CDH8: variants seen among roughly 807,000 people sequenced by gnomAD.
The protein encoded by CDH8 is cadherin-8.
Under a neutral mutation model 68.1 loss-of-function variants are expected in CDH8, and 17 were observed. The ratio of observed to expected loss-of-function variants is 0.25; its 90% CI spans 0.17 to 0.37. The LOEUF is 0.37. CDH8 is among the 10% of genes least tolerant of loss of function. CDH8 has a pLI of 1.00. For missense variants in CDH8, 763 were observed against 999.3 expected (o/e 0.76, Z 3.19); for synonymous variants, 372 against 365.1 (o/e 1.02, Z -0.21).
intron 9 of CDH8, among the ~76,000 whole-genome samples, chr16:61,719,769 A>G (rs2142878805): frequency 6.6e-6 from 1 of 150,974 alleles, no homozygotes; most frequent in East Asian, 2.0e-4. Context: ...CTCCCAGGGC[A>G]AGATTTTTCC....
intron 3 of CDH8, among the ~76,000 whole-genome samples, chr16:61,888,106 A>C (rs1404336547): frequency 6.6e-6 from 1 of 152,150 alleles, no homozygotes; most frequent in Non-Finnish European, 1.5e-5. Context: ...GATTCAGCAG[A>C]TCTGCAAGCT....
intron 4 of CDH8, among the ~76,000 whole-genome samples, chr16:61,835,427 G>A (rs1412749113): frequency 2.0e-4 from 30 of 151,648 alleles, no homozygotes; most frequent in East Asian, 1.9e-4. Context: ...ATTATATCAC[G>A]TCTCTATATT....
chr16:61,973,258 T>A (rs1282056557), intron 2 of CDH8, among the ~76,000 whole-genome samples: 1 of 152,236 alleles, frequency 6.6e-6, no homozygotes, highest in Non-Finnish European at 1.5e-5. Flanking sequence ...ATCATCCACT[T>A]CCACTTAATG....
chr16:61,979,752 A>G (rs536858710), intron 2 of CDH8, among the ~76,000 whole-genome samples: 10 of 152,248 alleles, frequency 6.6e-5, no homozygotes, highest in African/African-American at 1.9e-4. Flanking sequence ...ATCAAATAAG[A>G]CATGACATTC....
intron 3 of CDH8, among the ~76,000 whole-genome samples, chr16:61,877,075 CA>C (rs1281411347): frequency 6.6e-6 from 1 of 152,160 alleles, no homozygotes; most frequent in Non-Finnish European, 1.5e-5. Context: ...TGTACCAACA[CA>C]TTAGGTGTCA....
At chr16:61,654,658 G>C (rs1308495564) in intron 11 of CDH8, among the ~76,000 whole-genome samples, 1 of 152,204 alleles carries the variant, frequency 6.6e-6, no homozygotes, top group Admixed American at 6.5e-5. Flanking sequence ...AAACCTGAAT[G>C]TGAGAAAAGG....
intron 8 of CDH8, among the ~76,000 whole-genome samples, chr16:61,731,968 T>C (rs1296968392): frequency 1.3e-5 from 2 of 151,446 alleles, no homozygotes; most frequent in East Asian, 3.9e-4. Flanking sequence ...AGTAGGAAAT[T>C]ACCATAACCA....
chr16:61,735,890 T>A (rs956862883), intron 8 of CDH8, among the ~76,000 whole-genome samples: 1 of 151,790 alleles, frequency 6.6e-6, no homozygotes, highest in African/African-American at 2.4e-5. Flanking sequence ...CTGGCCAACA[T>A]AGTAAAACCC....
At chr16:62,035,644 C>G (rs1902438633) in intron 1 of CDH8, among the ~76,000 whole-genome samples, 2 of 152,146 alleles carry the variant, frequency 1.3e-5, no homozygotes, top group Non-Finnish European at 2.9e-5. Flanking sequence ...CTCCTTTTTT[C>G]CCTGGCTTGC....
intron 11 of CDH8, 111 bp from the exon 12 acceptor site, chr16:61,654,212 C>T: frequency 1.2e-6 from 1 of 843,250 alleles, no homozygotes; most frequent in Non-Finnish European, 1.9e-6. Flanking sequence ...TATGAGCATA[C>T]ACCTTTAATA....
chr16:61,939,367 C>G (rs1389754412), intron 2 of CDH8, among the ~76,000 whole-genome samples: 1 of 152,042 alleles, frequency 6.6e-6, no homozygotes, highest in Non-Finnish European at 1.5e-5. Flanking sequence ...AGATTAATAC[C>G]CGCAGACATC....
intron 10 of CDH8, among the ~76,000 whole-genome samples, chr16:61,690,714 G>T (rs1964203982): frequency 6.6e-6 from 1 of 151,714 alleles, no homozygotes; most frequent in Non-Finnish European, 1.5e-5. Context: ...CCATATGTTG[G>T]CTCCAAGAGC....
chr16:62,000,705 A>T (rs1405793564), intron 2 of CDH8, among the ~76,000 whole-genome samples: 3 of 152,214 alleles, frequency 2.0e-5, no homozygotes, highest in African/African-American at 7.2e-5. Context: ...GCCTTTGGCC[A>T]AAATGTTGAA....
At chr16:61,918,890 T>A (rs956889910) in intron 2 of CDH8, among the ~76,000 whole-genome samples, 60 of 150,626 alleles carry the variant, frequency 4.0e-4, no homozygotes, top group African/African-American at 1.3e-3. Context: ...AAGACAGCAG[T>A]AACCTCTGTA....
intron 7 of CDH8, among the ~76,000 whole-genome samples, chr16:61,815,878 T>G (rs1962061478): frequency 6.6e-6 from 1 of 152,112 alleles, no homozygotes; most frequent in Admixed American, 6.6e-5. Flanking sequence ...ACAAATATCA[T>G]TGTCCCCATT....
At chr16:61,830,018 C>G (rs1331271210) in intron 4 of CDH8, among the ~76,000 whole-genome samples, 3 of 151,954 alleles carry the variant, frequency 2.0e-5, no homozygotes, top group Middle Eastern at 3.4e-3. Flanking sequence ...TATTTCACTT[C>G]CATAGATACT....
rs550327604 is a variant in CDH8 at position 61,837,775 on chromosome 16, A to G, written c.668-12596T>C. On this transcript the variant is annotated intron_variant, in intron 4 of 11. Coordinates refer to ENST00000577390, the MANE Select transcript of CDH8 (RefSeq NM_001796.5). ...AGTGGTCCTTACGCACATAGACCAC[A>G]TTTTAACTACACTTAGCCCAGGCTG... Among the ~76,000 whole-genome samples the G allele has an allele frequency of 1.4e-4, 22 of 152,190 alleles. No individual in the cohort carries two copies. In the South Asian group the frequency reaches 4.6e-3, roughly 32 times the overall value.
chr16:61,954,985 G>A (rs1814539115), intron 2 of CDH8, among the ~76,000 whole-genome samples: 1 of 152,176 alleles, frequency 6.6e-6, no homozygotes, highest in African/African-American at 2.4e-5. Flanking sequence ...ACCTTCTAAA[G>A]TGGGTATTGG....
At chr16:61,950,180 C>A (rs988425776) in intron 2 of CDH8, among the ~76,000 whole-genome samples, 7 of 152,088 alleles carry the variant, frequency 4.6e-5, no homozygotes, top group African/African-American at 1.7e-4. Context: ...AATATACTCC[C>A]TGGTAAGTGA....
Sources: gnomAD v4.1 joint callset for allele counts (sites outside exome capture counted in the v4.1 genomes callset) on GRCh38, gnomAD v4.1.1 for gene constraint, MANE v1.5 for transcripts, NCBI Gene and HGNC (gene_info 2026-07-23, HGNC 2026-07-21) for gene names.